The following KLF7 variants were observed in gnomAD, a reference collection of about 807,000 sequenced individuals.
KLF7 encodes Krueppel-like factor 7.
Under a neutral mutation model 27.3 loss-of-function variants are expected in KLF7, and 2 were observed. The ratio of observed to expected loss-of-function variants is 0.07; its 90% confidence interval spans 0.03 to 0.23. The LOEUF (loss-of-function observed/expected upper bound fraction) is 0.23, where lower values mean the gene tolerates loss of function less well. Among genes scored for constraint, KLF7 ranks in the 10% least tolerant of loss-of-function variants. The pLI is 1.00. For missense variants in KLF7, 221 were observed against 394.1 expected, an observed-to-expected ratio of 0.56 and a Z score of 3.72; for synonymous variants, 165 against 162.4, an observed-to-expected ratio of 1.02 and a Z score of -0.12.
intron 2 of KLF7, among the ~76,000 whole-genome samples, chr2:207,092,097 C>A (rs1221806142): frequency 6.6e-6 from 1 of 152,238 alleles, no homozygotes; most frequent in Non-Finnish European, 1.5e-5. Flanking sequence ...TCTCCTTCCT[C>A]CACTCCAGAT....
At chr2:207,145,066 A>T (rs1361396791) in intron 1 of KLF7, among the ~76,000 whole-genome samples, 1 of 152,210 alleles carries the variant, frequency 6.6e-6, no homozygotes, top group Non-Finnish European at 1.5e-5. Flanking sequence ...TCTGGGGCAG[A>T]ACTTAAGGAA....
chr2:207,084,032 A>C (rs1389757939), intron 3 of KLF7, among the ~76,000 whole-genome samples: 1 of 152,208 alleles, frequency 6.6e-6, no homozygotes, highest in Non-Finnish European at 1.5e-5. Flanking sequence ...TCTAACCTAC[A>C]GAACTGTAAG....
At chr2:207,167,141 A>G (rs2078739971), upstream of KLF7, 2 of 1,441,694 alleles carry the variant, frequency 1.4e-6, no homozygotes, top group Non-Finnish European at 1.8e-6. Context: ...GAGGCTCACC[A>G]TGGGGTCTCC....
intron 1 of KLF7, among the ~76,000 whole-genome samples, chr2:207,152,926 T>C (rs74715824): frequency 1.5e-3 from 223 of 152,204 alleles, no homozygotes; most frequent in African/African-American, 5.3e-3. Context: ...GAGTGCACGA[T>C]CTGTCTAAAA....
At chr2:207,166,235 G>C, upstream of KLF7, 1 of 959,290 alleles carries the variant, frequency 1.0e-6, no homozygotes, top group Non-Finnish European at 1.2e-6. Flanking sequence ...AGGACCAATG[G>C]GGAGCCCGGA....
chr2:207,160,403 C>T (rs1234948161), intron 1 of KLF7, among the ~76,000 whole-genome samples: 3 of 152,246 alleles, frequency 2.0e-5, no homozygotes, highest in East Asian at 3.9e-4. Context: ...ACTGATATAT[C>T]GAGTGAACTG....
upstream of KLF7, among the ~76,000 whole-genome samples, chr2:207,169,339 C>T (rs2078770426): frequency 2.0e-5 from 3 of 152,108 alleles, no homozygotes; most frequent in African/African-American, 7.2e-5. Context: ...TGTGAATACA[C>T]ACATTAAAGG....
At position 207,076,304 on chromosome 2, in the gene KLF7, C is replaced by T. The variant is rs1410966514; in HGVS notation, c.*4909G>A. ...CCCAACAAAGAACATTATCAACCTT[C>T]CCTCATGACCACTGAGAGGGAGCCC... On this transcript the variant is annotated 3_prime_UTR_variant, in exon 4 of 4. Transcript: ENST00000309446. 6.6e-6 allele frequency: 1 copy of T among 152,064 alleles called. No homozygotes were observed. Among genetic ancestry groups the T allele is most frequent in the Non-Finnish European group, 1.5e-5 (1 of 68,010 alleles). 9.4% of individuals were successfully genotyped at this position (152,064 alleles called of 1,614,324 possible).
At chr2:207,126,005 T>C (rs560368114) in intron 1 of KLF7, among the ~76,000 whole-genome samples, 1 of 152,248 alleles carries the variant, frequency 6.6e-6, no homozygotes, top group African/African-American at 2.4e-5. Context: ...GTAGTATTAA[T>C]CAAGGAAAGC....
intron 3 of KLF7, among the ~76,000 whole-genome samples, chr2:207,085,134 C>A (rs2076357616): frequency 7.6e-6 from 1 of 132,344 alleles, no homozygotes; most frequent in Non-Finnish European, 1.6e-5. Context: ...TGCACTCCAG[C>A]CTGGGCAACA....
chr2:207,136,270 T>C (rs2077785255), intron 1 of KLF7, among the ~76,000 whole-genome samples: 1 of 152,138 alleles, frequency 6.6e-6, no homozygotes, highest in South Asian at 2.1e-4. Context: ...CACTCTCAGT[T>C]CCTTACCACA....
At chr2:207,161,179 T>A (rs890596676) in intron 1 of KLF7, among the ~76,000 whole-genome samples, 1 of 152,222 alleles carries the variant, frequency 6.6e-6, no homozygotes, top group Non-Finnish European at 1.5e-5. Flanking sequence ...AAGTGTGTGA[T>A]TGATTGCAGT....
Position 207,116,776 on chromosome 2 carries a change from C to T in KLF7, c.733+6998G>A, listed in dbSNP as rs1344021931. Among the ~76,000 whole-genome samples the T allele has an allele frequency of 3.9e-5, 6 of 152,280 alleles. No individual in the cohort carries two copies. In the East Asian group the frequency reaches 5.8e-4, roughly 15 times the overall value. On this transcript the variant is annotated intron_variant, in intron 2 of 3. Coordinates refer to ENST00000309446, the MANE Select transcript of KLF7 (RefSeq NM_003709.4). ...CTTTTCTTCTCTATCAAACAGAACT[C>T]GCCCACCCTTGAAACCTTTGAATTT... is the stretch of plus-strand genomic sequence containing the variant.
chr2:207,094,907 G>A (rs971382242), intron 2 of KLF7, among the ~76,000 whole-genome samples: 2 of 151,584 alleles, frequency 1.3e-5, no homozygotes, highest in African/African-American at 2.4e-5. Flanking sequence ...ACTCATTGAT[G>A]ATCCATGTGG....
upstream of KLF7, among the ~76,000 whole-genome samples, chr2:207,167,443 C>T (rs1433195447): frequency 6.6e-6 from 1 of 152,144 alleles, no homozygotes; most frequent in Non-Finnish European, 1.5e-5. Context: ...CCTTAATCAC[C>T]CTCCTTGTCT....
intron 3 of KLF7, among the ~76,000 whole-genome samples, chr2:207,082,986 G>A (rs114547709): frequency 0.01 from 1,540 of 152,274 alleles, 16 homozygotes; most frequent in Middle Eastern, 0.031. Context: ...ACATAAAAAT[G>A]CGAAAAGTAC....
intron 2 of KLF7, among the ~76,000 whole-genome samples, chr2:207,100,701 G>A (rs2076746420): frequency 6.6e-6 from 1 of 152,130 alleles, no homozygotes; most frequent in Non-Finnish European, 1.5e-5. Context: ...CTCCTCCTCA[G>A]AAAACTATAC....
chr2:207,118,192 T>C, intron 2 of KLF7, among the ~76,000 whole-genome samples: 1 of 152,204 alleles, frequency 6.6e-6, no homozygotes, highest in East Asian at 1.9e-4. Flanking sequence ...CCTTTCTTAT[T>C]TGATAGGGAC....
intron 2 of KLF7, among the ~76,000 whole-genome samples, chr2:207,095,565 T>C (rs907066089): frequency 1.3e-5 from 2 of 152,222 alleles, no homozygotes; most frequent in Non-Finnish European, 2.9e-5. Flanking sequence ...TTCAATATAG[T>C]AGCCAGTAGC....
Sources: allele counts gnomAD v4.1 joint callset (sites outside exome capture counted in the v4.1 genomes callset), GRCh38; gene constraint gnomAD v4.1.1; transcripts MANE v1.5; gene names NCBI Gene and HGNC (gene_info 2026-07-23, HGNC 2026-07-21).